Variants in CSMD1 observed in about 807,000 individuals in gnomAD.
CSMD1 encodes CUB and sushi domain-containing protein 1.
CSMD1 carries 213 observed loss-of-function variants against 417.5 expected under a neutral mutation model. The ratio of observed to expected loss-of-function variants is 0.51; its 90% CI spans 0.46 to 0.57. The LOEUF is 0.57. Ranked by LOEUF, CSMD1 falls within the 20% of genes least tolerant of loss-of-function variation. The pLI, the probability that CSMD1 is intolerant of heterozygous loss-of-function variation, is 0.00. For missense variants in CSMD1, 6,923 were observed against 4,529.7 expected, an observed-to-expected ratio of 1.53 and a Z score of -15.17; for synonymous variants, 2,862 against 1,736.8, an observed-to-expected ratio of 1.65 and a Z score of -16.11.
intron 3 of CSMD1, among the ~76,000 whole-genome samples, chr8:4,100,456 C>G (rs77646821): frequency 6.6e-6 from 1 of 152,268 alleles, no homozygotes; most frequent in Non-Finnish European, 1.5e-5. Flanking sequence ...ATCCTTTTAT[C>G]TCCAAATGTT....
At chr8:4,808,960 G>C (rs910491977) in intron 1 of CSMD1, among the ~76,000 whole-genome samples, 1 of 152,178 alleles carries the variant, frequency 6.6e-6, no homozygotes, top group Non-Finnish European at 1.5e-5. Flanking sequence ...GAACATAAGA[G>C]ATCCAGAAAA....
intron 5 of CSMD1, among the ~76,000 whole-genome samples, chr8:3,989,060 G>A (rs1814547140): frequency 6.6e-6 from 1 of 152,188 alleles, no homozygotes; most frequent in Non-Finnish European, 1.5e-5. Flanking sequence ...TTGTAGGGCA[G>A]AAATCTGAAC....
intron 26 of CSMD1, among the ~76,000 whole-genome samples, chr8:3,262,987 A>C (rs1359025178): frequency 6.6e-6 from 1 of 152,244 alleles, no homozygotes; most frequent in Non-Finnish European, 1.5e-5. Context: ...TATTATGGAC[A>C]TTACAGTTAT....
intron 5 of CSMD1, among the ~76,000 whole-genome samples, chr8:3,911,614 C>G (rs1808474718): frequency 6.6e-6 from 1 of 151,954 alleles, no homozygotes; most frequent in Non-Finnish European, 1.5e-5. Context: ...TCTCTGCCAT[C>G]CAATTCGATT....
At chr8:4,140,440 G>C (rs749609918) in intron 3 of CSMD1, among the ~76,000 whole-genome samples, 2 of 150,912 alleles carry the variant, frequency 1.3e-5, no homozygotes, top group Non-Finnish European at 2.9e-5. Flanking sequence ...GGAGGTTGCC[G>C]TGAGCCAAGA....
chr8:4,092,422 T>C (rs915274769), intron 3 of CSMD1, among the ~76,000 whole-genome samples: 6 of 152,206 alleles, frequency 3.9e-5, no homozygotes, highest in African/African-American at 1.4e-4. Context: ...GGCTTCAGCA[T>C]ATTATGAGAC....
intron 17 of CSMD1, among the ~76,000 whole-genome samples, chr8:3,389,823 T>G (rs371702557): frequency 3.3e-5 from 5 of 152,308 alleles, no homozygotes; most frequent in African/African-American, 1.2e-4. Context: ...TCACAATTGA[T>G]GCTTAGTTCC....
intron 7 of CSMD1, among the ~76,000 whole-genome samples, chr8:3,681,614 C>T (rs1585067311): frequency 6.6e-6 from 1 of 152,038 alleles, no homozygotes; most frequent in Non-Finnish European, 1.5e-5. Context: ...GCCATACTGC[C>T]CAAGGTAATT....
chr8:4,399,175 A>C (rs1008211728), intron 3 of CSMD1, among the ~76,000 whole-genome samples: 5 of 152,174 alleles, frequency 3.3e-5, no homozygotes, highest in Non-Finnish European at 7.3e-5. Flanking sequence ...CAGATTAATA[A>C]ATAAAGATGA....
intron 8 of CSMD1, chr8:3,598,316 A>G (rs931202): frequency 0.16 from 24,024 of 152,064 alleles, 2,221 homozygotes; most frequent in East Asian, 0.32. Flanking sequence ...ACTTTCCTCT[A>G]TGTAGTTATG....
intron 5 of CSMD1, among the ~76,000 whole-genome samples, chr8:3,880,000 G>A (rs965041782): frequency 1.3e-5 from 2 of 152,044 alleles, no homozygotes; most frequent in African/African-American, 4.8e-5. Flanking sequence ...TTTTGATTCT[G>A]TACCGAAGTT....
At chr8:4,660,031 G>T (rs182238909) in intron 1 of CSMD1, among the ~76,000 whole-genome samples, 1 of 149,682 alleles carries the variant, frequency 6.7e-6, no homozygotes, top group Non-Finnish European at 1.5e-5. Context: ...ATAGTGAAAG[G>T]CTCCATGATT....
intron 2 of CSMD1, among the ~76,000 whole-genome samples, chr8:4,490,325 C>A (rs1801638485): frequency 2.0e-5 from 3 of 152,134 alleles, no homozygotes; most frequent in Non-Finnish European, 2.9e-5. Context: ...CAGGCATGAG[C>A]CACCATATCC....
intron 2 of CSMD1, among the ~76,000 whole-genome samples, chr8:4,607,028 T>C (rs1235809361): frequency 6.6e-6 from 1 of 152,178 alleles, no homozygotes; most frequent in Non-Finnish European, 1.5e-5. Context: ...GTGGTAAAGT[T>C]TGAAAATCGA....
chr8:3,484,828 T>G (rs1421964132), intron 11 of CSMD1, among the ~76,000 whole-genome samples: 1 of 152,168 alleles, frequency 6.6e-6, no homozygotes. Context: ...GACAAAATGT[T>G]CAGTATCATT....
intron 3 of CSMD1, among the ~76,000 whole-genome samples, chr8:4,254,159 C>T (rs901563902): frequency 6.6e-6 from 1 of 152,014 alleles, no homozygotes; most frequent in Admixed American, 6.6e-5. Context: ...CCTGGTGATC[C>T]ACCCGCCTTG....
chr8:4,246,045 A>G (rs1443479664), intron 3 of CSMD1, among the ~76,000 whole-genome samples: 1 of 152,094 alleles, frequency 6.6e-6, no homozygotes, highest in Non-Finnish European at 1.5e-5. Context: ...TTAACTTTTA[A>G]GTTTAGTGGT....
At chr8:3,268,173 G>C (rs985744207) in intron 26 of CSMD1, among the ~76,000 whole-genome samples, 48 of 151,782 alleles carry the variant, frequency 3.2e-4, no homozygotes, top group African/African-American at 9.7e-4. Context: ...GAATGAATGA[G>C]TGAATATCGA....
At chr8:4,814,911 G>A (rs781751402) in intron 1 of CSMD1, among the ~76,000 whole-genome samples, 128 of 152,168 alleles carry the variant, frequency 8.4e-4, no homozygotes, top group Non-Finnish European at 1.0e-3. Flanking sequence ...ACAAAACTAC[G>A]TATTTGGTTG....
Sources: gnomAD v4.1 joint callset for allele counts (sites outside exome capture counted in the v4.1 genomes callset) on GRCh38, gnomAD v4.1.1 for gene constraint, MANE v1.5 for transcripts, NCBI Gene and HGNC (gene_info 2026-07-23, HGNC 2026-07-21) for gene names.